CCDC171: variants seen among roughly 807,000 people sequenced by gnomAD.
CCDC171 encodes coiled-coil domain-containing protein 171.
In CCDC171, 177 loss-of-function variants were observed where a neutral mutation model predicts 168.2. The observed-to-expected ratio is 1.05, with a 90% CI of 0.93 to 1.19. CCDC171 has a LOEUF of 1.19. CCDC171 is among the 50% of genes most tolerant of loss of function. The pLI, the probability that CCDC171 is intolerant of heterozygous loss-of-function variation, is 0.00. For synonymous variants in CCDC171, 687 were observed against 540.8 expected (o/e 1.27, Z -3.75); for missense variants, 1,991 against 1,539.0 (o/e 1.29, Z -4.91).
chr9:15,812,323 G>T (rs751182811), intron 21 of CCDC171, among the ~76,000 whole-genome samples: 1 of 152,110 alleles, frequency 6.6e-6, no homozygotes, highest in Non-Finnish European at 1.5e-5. Context: ...ATACACATAG[G>T]TATATAGAAA....
intron 21 of CCDC171, among the ~76,000 whole-genome samples, chr9:15,789,162 C>G (rs2058118423): frequency 6.6e-6 from 1 of 152,074 alleles, no homozygotes; most frequent in African/African-American, 2.4e-5. Context: ...GCTCTAAAAT[C>G]AAACTTTTTG....
intron 1 of CCDC171, among the ~76,000 whole-genome samples, chr9:16,053,913 G>A (rs535891356): frequency 6.6e-6 from 1 of 152,354 alleles, no homozygotes; most frequent in Admixed American, 6.5e-5. Context: ...CCTCAGTGAT[G>A]CATTCAAGTT....
chr9:15,834,300 A>G (rs2066291), intron 21 of CCDC171, among the ~76,000 whole-genome samples: 6,151 of 152,210 alleles, frequency 0.04, 284 homozygotes, highest in African/African-American at 0.1. Context: ...GTAATTATCT[A>G]ATTATATGTT....
chr9:15,869,847 A>G (rs10810456), intron 23 of CCDC171, among the ~76,000 whole-genome samples: 33,780 of 151,654 alleles, frequency 0.22, 3,890 homozygotes, highest in Non-Finnish European at 0.25. Flanking sequence ...TATTGGCGAT[A>G]TAAACTTGAC....
chr9:15,909,718 TAATA>T (rs1317161737), intron 24 of CCDC171, among the ~76,000 whole-genome samples: 1 of 152,204 alleles, frequency 6.6e-6, no homozygotes, highest in African/African-American at 2.4e-5. Flanking sequence ...AAAGTAAGTC[TAATA>T]AATGAGCAAC....
intron 10 of CCDC171, among the ~76,000 whole-genome samples, chr9:15,692,568 C>T (rs1321932061): frequency 2.0e-5 from 3 of 149,366 alleles, no homozygotes; most frequent in African/African-American, 7.4e-5. Context: ...CACTCTTTTT[C>T]CCAGGCTGGA....
chr9:15,732,437 A>G (rs1331208833), intron 16 of CCDC171, among the ~76,000 whole-genome samples: 2 of 152,104 alleles, frequency 1.3e-5, no homozygotes, highest in African/African-American at 4.8e-5. Context: ...CTAGCTGAAT[A>G]GCCTTGGTAC....
At chr9:15,685,397 C>T (rs1260709875) in intron 10 of CCDC171, among the ~76,000 whole-genome samples, 4 of 151,962 alleles carry the variant, frequency 2.6e-5, no homozygotes, top group Non-Finnish European at 4.4e-5. Flanking sequence ...GAATCTGAAA[C>T]GGGAGGACCA....
chr9:15,591,510 A>G lies in CCDC171; in HGVS notation c.497A>G (p.Tyr166Cys), dbSNP rs2042006614. The G allele has an allele frequency of 6.2e-7, 1 of 1,600,298 alleles. No individual in the cohort carries two copies. The highest frequency in any genetic ancestry group is 2.2e-5 in the East Asian group (1 of 44,594). ...ATGATCCAAAATTGCAATCGAGAAT[A>G]TGATTTACTTATGAAAGAAAAAAGC... ...DNMIQNCNRE[Y>C]DLLMKEKSRL... Residue 166 changes from tyrosine to cysteine, a missense_variant, in exon 5 of 26, where the codon TAT (tyrosine) becomes TGT (cysteine). Transcript: ENST00000380701.
chr9:15,592,944 A>T (rs951471892), intron 5 of CCDC171, among the ~76,000 whole-genome samples: 9 of 151,940 alleles, frequency 5.9e-5, no homozygotes, highest in Non-Finnish European at 1.0e-4. Context: ...ACATATGTAT[A>T]CATGTGCCAT....
chr9:15,828,790 G>T (rs1396648425), intron 21 of CCDC171, among the ~76,000 whole-genome samples: 1 of 151,992 alleles, frequency 6.6e-6, no homozygotes, highest in African/African-American at 2.4e-5. Flanking sequence ...TTTTCAAACT[G>T]GAATGAAAAC....
Position 15,728,046 on chromosome 9 carries a change from C to G in CCDC171, c.1860+10C>G. The stretch of plus-strand genomic sequence containing the variant: ...CAGGGCTAATGAGAAGGTAACTGTC[C>G]TCAGGCACCAGATACCTCTATTAAA... On this transcript the variant is annotated intron_variant, in intron 15 of 25. Coordinates refer to ENST00000380701, the MANE Select transcript of CCDC171 (RefSeq NM_173550.4). 6.2e-7 allele frequency: 1 copy of G among 1,600,538 alleles called. No homozygotes were observed. Among genetic ancestry groups the G allele is most frequent in the Admixed American group, 1.7e-5 (1 of 58,956 alleles).
At chr9:15,679,715 T>C (rs991075660) in intron 10 of CCDC171, among the ~76,000 whole-genome samples, 3 of 152,036 alleles carry the variant, frequency 2.0e-5, no homozygotes, top group African/African-American at 7.2e-5. Flanking sequence ...GCTTGGCTAG[T>C]TTAAAAATTT....
chr9:15,739,874 A>T (rs1169994159), intron 16 of CCDC171, among the ~76,000 whole-genome samples: 2 of 151,874 alleles, frequency 1.3e-5, no homozygotes, highest in Non-Finnish European at 2.9e-5. Context: ...AGTATCTGGG[A>T]CTACAGGAGC....
rs2061172540 is a variant in CCDC171, at chr9:15,852,495, T to C, written c.3468+3548T>C. Among the ~76,000 whole-genome samples, 3 of 151,766 alleles carry C rather than the reference T, an allele frequency of 2.0e-5. No homozygotes were observed. In the Admixed American group the frequency reaches 2.0e-4, roughly 10 times the overall value. On this transcript the variant is annotated intron_variant, in intron 23 of 25. Coordinates refer to ENST00000380701, the MANE Select transcript of CCDC171 (RefSeq NM_173550.4). ...CTGGATACTAGAATCTTATTATATA[T>C]ATGAATTGAAAACATTTTCTCCCAT...
intron 24 of CCDC171, among the ~76,000 whole-genome samples, chr9:15,908,504 G>T (rs1054659210): frequency 2.7e-5 from 4 of 147,412 alleles, no homozygotes; most frequent in African/African-American, 5.0e-5. Context: ...GGGGCCTGTT[G>T]TCGGGTGGGG....
chr9:15,619,480 C>T (rs1384009304), intron 6 of CCDC171, among the ~76,000 whole-genome samples: 3 of 152,140 alleles, frequency 2.0e-5, no homozygotes, highest in Non-Finnish European at 4.4e-5. Context: ...AAGTCAAAGC[C>T]TAATTTAGAA....
intron 25 of CCDC171, among the ~76,000 whole-genome samples, chr9:15,958,941 A>T (rs1174079167): frequency 1.3e-5 from 2 of 152,130 alleles, no homozygotes; most frequent in African/African-American, 4.8e-5. Flanking sequence ...AGGGGGAAGG[A>T]TCATAACCTG....
intron 21 of CCDC171, among the ~76,000 whole-genome samples, chr9:15,806,985 A>G (rs1251726749): frequency 1.3e-5 from 2 of 151,950 alleles, no homozygotes; most frequent in Admixed American, 1.3e-4. Context: ...AAGTTCCAAG[A>G]TTCTCTTCTC....
Sources: gnomAD v4.1 joint callset for allele counts (sites outside exome capture counted in the v4.1 genomes callset) on GRCh38, gnomAD v4.1.1 for gene constraint, MANE v1.5 for transcripts, NCBI Gene and HGNC (gene_info 2026-07-23, HGNC 2026-07-21) for gene names.